The following COBL variants were observed in gnomAD, a reference collection of about 807,000 sequenced individuals.
COBL encodes protein cordon-bleu.
In COBL, 51 loss-of-function variants were observed where a neutral mutation model predicts 98.8. That is an observed-to-expected ratio of 0.52 (90% CI 0.41 to 0.65). COBL has a LOEUF of 0.65. Ranked by LOEUF, COBL falls within the 30% of genes least tolerant of loss-of-function variation. The pLI, the probability that COBL is intolerant of heterozygous loss-of-function variation, is 0.00. For missense variants in COBL, 1,617 were observed against 1,617.5 expected (o/e 1.00, Z 0.01); for synonymous variants, 634 against 651.7 (o/e 0.97, Z 0.41).
chr7:51,197,709 A>G (rs1473057190), intron 2 of COBL, among the ~76,000 whole-genome samples: 2 of 152,204 alleles, frequency 1.3e-5, no homozygotes, highest in Non-Finnish European at 2.9e-5. Flanking sequence ...TATTATGTGC[A>G]TATATATTTA....
At chr7:51,203,740 A>AT (rs1420728327) in intron 2 of COBL, among the ~76,000 whole-genome samples, 1 of 152,178 alleles carries the variant, frequency 6.6e-6, no homozygotes, top group Non-Finnish European at 1.5e-5. Context: ...ATTAAATCTC[A>AT]TCACAAACGG....
chr7:51,044,063 AG>A (rs1409823746), intron 7 of COBL, among the ~76,000 whole-genome samples: 1 of 152,242 alleles, frequency 6.6e-6, no homozygotes, highest in Non-Finnish European at 1.5e-5. Context: ...TGAGATCTTT[AG>A]AAAAACATTA....
chr7:51,127,060 G>A (rs753611943), intron 6 of COBL, among the ~76,000 whole-genome samples: 2 of 152,196 alleles, frequency 1.3e-5, no homozygotes, highest in African/African-American at 2.4e-5. Flanking sequence ...AGTCAGCCAA[G>A]TGGATGGCAA....
At chr7:51,179,542 T>C (rs1259153759) in intron 5 of COBL, among the ~76,000 whole-genome samples, 2 of 152,144 alleles carry the variant, frequency 1.3e-5, no homozygotes, top group Non-Finnish European at 2.9e-5. Flanking sequence ...GTTATTTTTA[T>C]ATGAATATGC....
At chr7:51,023,261 C>T (rs189817929) in intron 12 of COBL, among the ~76,000 whole-genome samples, 1 of 152,270 alleles carries the variant, frequency 6.6e-6, no homozygotes, top group Non-Finnish European at 1.5e-5. Context: ...ACATAAATTC[C>T]ACAGGAATAA....
At position 51,075,959 on chromosome 7, in the gene COBL, C is replaced by T. The variant is rs142077836; in HGVS notation, c.1096+9207G>A. On this transcript the variant is annotated intron_variant, in intron 7 of 12. Coordinates refer to ENST00000265136, the MANE Select transcript of COBL (RefSeq NM_015198.5). ...GGACAGATTCTGCTCCCACAGTTGACGATTTCCTTCCATTTTATGAAAAGG... is the reference window on the plus strand; with the variant it reads ...GGACAGATTCTGCTCCCACAGTTGATGATTTCCTTCCATTTTATGAAAAGG... Among the ~76,000 whole-genome samples, 25 of 152,260 alleles carry T rather than the reference C, an allele frequency of 1.6e-4. No individual in the cohort carries two copies. The South Asian group carries it at 2.5e-3, about 15-fold the overall frequency.
At position 51,154,648 on chromosome 7, in the gene COBL, C is replaced by T. The variant is rs142797880; in HGVS notation, c.784-18317G>A. 2.7e-4 allele frequency among the ~76,000 whole-genome samples: 41 copies of T among 152,276 alleles called. No homozygotes were observed. The East Asian group carries it at 7.5e-3, about 28-fold the overall frequency. On this transcript the variant is annotated intron_variant, in intron 5 of 12. Transcript: ENST00000265136. ...GGGCCATGGGTATCATTAGGGTCTG[C>T]GTCACTGGCACACATCCCAATCCCA...
At chr7:51,262,080 G>C (rs565079549) in intron 1 of COBL, among the ~76,000 whole-genome samples, 1 of 152,228 alleles carries the variant, frequency 6.6e-6, no homozygotes, top group African/African-American at 2.4e-5. Flanking sequence ...CGTGCTGATG[G>C]TGCAGGAAGA....
intron 1 of COBL, among the ~76,000 whole-genome samples, chr7:51,305,582 A>ATTACTTTTG (rs1802383305): frequency 6.6e-6 from 1 of 152,212 alleles, no homozygotes; most frequent in African/African-American, 2.4e-5. Context: ...CATAAGGAGG[A>ATTACTTTTG]TAAATTACTT....
chr7:51,280,869 G>A (rs146588837), intron 1 of COBL, among the ~76,000 whole-genome samples: 1,642 of 152,240 alleles, frequency 0.011, 24 homozygotes, highest in African/African-American at 0.037. Flanking sequence ...CAAGCACAAA[G>A]GGCCCAGCAG....
intron 12 of COBL, among the ~76,000 whole-genome samples, chr7:51,018,905 A>AAAAAAAAAT (rs1554345519): frequency 2.9e-5 from 1 of 34,442 alleles, no homozygotes. Context: ...AAAAAAAAAA[A>AAAAAAAAAT]ATATATATAT....
At chr7:51,240,519 G>T (rs972802256) in intron 1 of COBL, among the ~76,000 whole-genome samples, 3 of 151,594 alleles carry the variant, frequency 2.0e-5, no homozygotes, top group Admixed American at 6.6e-5. Context: ...TACGGAAATT[G>T]CATTAAAGAG....
chr7:51,055,460 A>G (rs1790651359), intron 7 of COBL, among the ~76,000 whole-genome samples: 2 of 152,236 alleles, frequency 1.3e-5, no homozygotes, highest in Admixed American at 6.5e-5. Context: ...AATGGTAGCT[A>G]AAATTATCAC....
At chr7:51,229,282 G>A (rs1176693951) in intron 1 of COBL, among the ~76,000 whole-genome samples, 2 of 152,210 alleles carry the variant, frequency 1.3e-5, no homozygotes, top group Non-Finnish European at 2.9e-5. Context: ...AGCCCGCGGT[G>A]CCGGCGCCTG....
At chr7:51,231,558 G>C (rs1427711739) in intron 1 of COBL, among the ~76,000 whole-genome samples, 1 of 152,238 alleles carries the variant, frequency 6.6e-6, no homozygotes, top group Non-Finnish European at 1.5e-5. Flanking sequence ...GCAGGAGCTT[G>C]AAACAAATGC....
intron 2 of COBL, among the ~76,000 whole-genome samples, chr7:51,202,563 A>G (rs998401181): frequency 6.6e-6 from 1 of 152,236 alleles, no homozygotes; most frequent in African/African-American, 2.4e-5. Context: ...GAAAGGGAGG[A>G]CTACGGTACA....
intron 6 of COBL, among the ~76,000 whole-genome samples, chr7:51,135,511 T>A (rs920236619): frequency 6.6e-6 from 1 of 152,096 alleles, no homozygotes; most frequent in African/African-American, 2.4e-5. Flanking sequence ...GGAAATTACA[T>A]GACATGTCAG....
chr7:51,212,594 C>T (rs1003899765), intron 2 of COBL, among the ~76,000 whole-genome samples: 2 of 152,166 alleles, frequency 1.3e-5, no homozygotes, highest in Non-Finnish European at 2.9e-5. Flanking sequence ...TGCCAAGGGC[C>T]GTTCTTGAGC....
At chr7:51,216,553 C>T (rs912912019) in intron 2 of COBL, among the ~76,000 whole-genome samples, 4 of 152,098 alleles carry the variant, frequency 2.6e-5, no homozygotes, top group Non-Finnish European at 4.4e-5. Context: ...GCTGGTAATA[C>T]CATCCTTAAG....
Sources: gnomAD v4.1 joint callset for allele counts (sites outside exome capture counted in the v4.1 genomes callset) on GRCh38, gnomAD v4.1.1 for gene constraint, MANE v1.5 for transcripts, NCBI Gene and HGNC (gene_info 2026-07-23, HGNC 2026-07-21) for gene names.